Variants in SLF1 observed in about 807,000 individuals in gnomAD.
The protein encoded by SLF1 is SMC5-SMC6 complex localization factor protein 1.
In SLF1, 105 loss-of-function variants were observed where a neutral mutation model predicts 123.0. That is an observed-to-expected ratio of 0.85 (90% confidence interval 0.73 to 1.00). The LOEUF is 1.00. Among genes scored for constraint, SLF1 ranks in the 50% least tolerant of loss-of-function variants. The pLI, the probability that SLF1 is intolerant of heterozygous loss-of-function variation, is 0.00. For synonymous variants in SLF1, 434 were observed against 406.6 expected, an observed-to-expected ratio of 1.07 and a Z score of -0.81; for missense variants, 1,239 against 1,223.0, an observed-to-expected ratio of 1.01 and a Z score of -0.20.
Position 94,692,251 on chromosome 5 carries a change from A to G in SLF1, c.2690A>G (p.His897Arg). Residue 897 changes from histidine to arginine, a missense_variant, in exon 20 of 21, where the codon CAT becomes CGT. Physicochemically the swap from His to Arg is conservative, Grantham distance 29. Coordinates refer to ENST00000265140, the MANE Select transcript of SLF1 (RefSeq NM_032290.4). ...GAAATTGGCAAGCTGCTACTACAGC[A>G]TGGGGGTGAGTGTGTTTATGCTAAA... is the stretch of plus-strand genomic sequence containing the variant. ...HVEIGKLLLQ[H>R]GGPVLLQQRN... 6.2e-7 allele frequency: 1 copy of G among 1,613,288 alleles called. No homozygotes were observed. The highest frequency in any genetic ancestry group is 8.5e-7 in the Non-Finnish European group (1 of 1,179,450).
At chr5:94,634,298 C>T (rs1407432431) in intron 4 of SLF1, among the ~76,000 whole-genome samples, 1 of 152,080 alleles carries the variant, frequency 6.6e-6, no homozygotes, top group African/African-American at 2.4e-5. Flanking sequence ...GTCCTTTGAT[C>T]AACATTTCCT....
At chr5:94,640,587 C>T (rs913407937) in intron 4 of SLF1, among the ~76,000 whole-genome samples, 1 of 152,084 alleles carries the variant, frequency 6.6e-6, no homozygotes, top group Non-Finnish European at 1.5e-5. Context: ...TTTCTTCCTT[C>T]ATGTTGTTCT....
chr5:94,635,827 C>T (rs780021073), intron 4 of SLF1, among the ~76,000 whole-genome samples: 1 of 152,212 alleles, frequency 6.6e-6, no homozygotes, highest in South Asian at 2.1e-4. Flanking sequence ...GATAAAATTG[C>T]TTCACACACC....
At chr5:94,688,691 G>A in intron 17 of SLF1, 22 bp downstream of exon 17, 1 of 1,612,272 alleles carries the variant, frequency 6.2e-7, no homozygotes, top group Non-Finnish European at 8.5e-7. Flanking sequence ...TGATATCCCA[G>A]CTGTGCTTTG....
At position 94,697,503 on chromosome 5, in the gene SLF1, C is replaced by A. The variant is rs955500927; in HGVS notation, c.*2191C>A. The stretch of plus-strand genomic sequence containing the variant: ...GAAGACAAGGTTGAGAAATGCTATT[C>A]TTCACTGTATTTTGCCAGATGTGAT... On this transcript the variant is annotated 3_prime_UTR_variant, in exon 21 of 21. Coordinates refer to ENST00000265140, the MANE Select transcript of SLF1 (RefSeq NM_032290.4). The A allele has an allele frequency of 6.6e-6, 1 of 151,810 alleles. No homozygotes were observed. Among genetic ancestry groups the A allele is most frequent in the African/African-American group, 2.4e-5 (1 of 41,366 alleles). The allele number at this position is 151,810 out of a possible 1,614,324, so 9.4% of individuals were successfully genotyped here.
chr5:94,629,096 A>G lies in SLF1; in HGVS notation c.119A>G (p.Tyr40Cys). The change falls in exon 3 of 21, where the codon TAC (tyrosine) becomes TGC (cysteine). Residue 40 changes from tyrosine (Y) to cysteine (C), a missense_variant. Physicochemically the swap from Tyr to Cys is radical, Grantham distance 194. Coordinates refer to ENST00000265140, the MANE Select transcript of SLF1 (RefSeq NM_032290.4). The stretch of plus-strand genomic sequence containing the variant: ...GATGTGGATTTTTCCCTCCAGAAAT[A>G]CAAAAATTGTACACATCTTATAGCT... ...LDCTFIKSEK[Y>C]KNCTHLIAER... The G allele has an allele frequency of 1.3e-6, 2 of 1,538,966 alleles. No homozygotes were observed. Among genetic ancestry groups the G allele is most frequent in the Non-Finnish European group, 1.8e-6 (2 of 1,141,564 alleles).
At chr5:94,671,048 C>T in intron 14 of SLF1, 40 bp downstream of exon 14, 3 of 1,338,740 alleles carry the variant, frequency 2.2e-6, no homozygotes, top group South Asian at 1.5e-5. Context: ...TCTATGGAAA[C>T]AGCACTTTGA....
chr5:94,676,236 T>C (rs1433864166), intron 14 of SLF1, among the ~76,000 whole-genome samples: 1 of 152,196 alleles, frequency 6.6e-6, no homozygotes, highest in Non-Finnish European at 1.5e-5. Context: ...CACTGTTCTG[T>C]TTTATATTCT....
At chr5:94,649,395 G>C (rs754770023) in intron 5 of SLF1, 59 bp from the exon 6 acceptor site, 2 of 1,322,368 alleles carry the variant, frequency 1.5e-6, no homozygotes, top group East Asian at 2.7e-5. Flanking sequence ...ACCATAAAAC[G>C]TACATAATAT....
chr5:94,634,343 C>G (rs921519733), intron 4 of SLF1, among the ~76,000 whole-genome samples: 4 of 152,154 alleles, frequency 2.6e-5, no homozygotes, highest in African/African-American at 7.2e-5. Context: ...TGGTAACCAC[C>G]ATTCTGCTCT....
chr5:94,689,700 G>C (rs1752860296), intron 18 of SLF1, 94 bp downstream of exon 18: 1 of 1,145,110 alleles, frequency 8.7e-7, no homozygotes, highest in Middle Eastern at 3.0e-4. Context: ...ATGAATACTT[G>C]AACTTAAATA....
At chr5:94,692,856 CTGA>C (rs1275319856) in intron 20 of SLF1, among the ~76,000 whole-genome samples, 3 of 152,156 alleles carry the variant, frequency 2.0e-5, no homozygotes, top group African/African-American at 7.2e-5. Flanking sequence ...GTTTTTCCTG[CTGA>C]TTTTTGATCT....
intron 16 of SLF1, among the ~76,000 whole-genome samples, chr5:94,688,077 C>T (rs1162184205): frequency 6.7e-6 from 1 of 148,548 alleles, no homozygotes; most frequent in Non-Finnish European, 1.5e-5. Flanking sequence ...TTGCAACAAT[C>T]CTTTAAGGAT....
At chr5:94,622,952 G>T (rs558524900) in intron 1 of SLF1, among the ~76,000 whole-genome samples, 36 of 151,956 alleles carry the variant, frequency 2.4e-4, no homozygotes, top group Non-Finnish European at 4.7e-4. Flanking sequence ...TTTTTCCCAA[G>T]GGTTGTACCC....
At chr5:94,678,514 G>T (rs1474702876) in intron 14 of SLF1, 2 of 190,730 alleles carry the variant, frequency 1.0e-5, no homozygotes, top group Middle Eastern at 1.9e-3. Context: ...TTATTTTAAT[G>T]GAATTATTTC....
Position 94,688,588 on chromosome 5 carries a change from G to A in SLF1, c.2204G>A (p.Arg735Gln), listed in dbSNP as rs190220523. The A allele has an allele frequency of 6.8e-6, 11 of 1,614,016 alleles. No homozygotes were observed. Among genetic ancestry groups the A allele is most frequent in the African/African-American group, 6.7e-5 (5 of 75,040 alleles). ...CAGGTGTCAAAGAAAATAGGACAGCGGCCTTGTTTTGACTCTCAGAGAACC... is the reference window on the plus strand; with the variant it reads ...CAGGTGTCAAAGAAAATAGGACAGCAGCCTTGTTTTGACTCTCAGAGAACC... Reference protein sequence around the residue: ...KIQVSKKIGQRPCFDSQRTLL... With the variant: ...KIQVSKKIGQQPCFDSQRTLL... The change falls in exon 17 of 21, where the codon CGG (arginine) becomes CAG (glutamine). Residue 735 changes from arginine (R) to glutamine (Q), a missense_variant. Transcript: ENST00000265140.
rs889317322 is a variant in SLF1, at chr5:94,670,759, C to T, written c.1662-84C>T. On this transcript the variant is annotated intron_variant, in intron 13 of 20. Coordinates refer to ENST00000265140, the MANE Select transcript of SLF1 (RefSeq NM_032290.4). ...ATGATCTATGTTCAAAAATTGCTAG[C>T]ATTTTTTTTGACAGGAGAGATGTCA... 4 of 977,434 alleles carry T rather than the reference C, an allele frequency of 4.1e-6. No individual in the cohort carries two copies. In the African/African-American group the frequency reaches 5.0e-5, roughly 12 times the overall value. The allele number at this position is 977,434 out of a possible 1,614,324, so 60.5% of individuals were successfully genotyped here.
intron 1 of SLF1, among the ~76,000 whole-genome samples, chr5:94,622,079 T>C (rs1791848689): frequency 6.6e-6 from 1 of 152,236 alleles, no homozygotes; most frequent in African/African-American, 2.4e-5. Flanking sequence ...TAGTTAAACG[T>C]CAAACAGTAT....
intron 17 of SLF1, 113 bp from the exon 18 acceptor site, chr5:94,689,360 A>T (rs1752813424): frequency 1.8e-6 from 2 of 1,087,294 alleles, no homozygotes; most frequent in Non-Finnish European, 1.3e-6. Context: ...AGATTGAATG[A>T]GTAAGGGAGT....
Sources: gnomAD v4.1 joint callset for allele counts (sites outside exome capture counted in the v4.1 genomes callset) on GRCh38, gnomAD v4.1.1 for gene constraint, MANE v1.5 for transcripts, NCBI Gene and HGNC (gene_info 2026-07-23, HGNC 2026-07-21) for gene names.